ZNF385B: variants seen among roughly 807,000 people sequenced by gnomAD.
ZNF385B encodes the protein zinc finger protein 385B, also known as zinc finger protein 533.
Under a neutral mutation model 39.2 loss-of-function variants are expected in ZNF385B, and 23 were observed. The ratio of observed to expected loss-of-function variants is 0.59; its 90% confidence interval spans 0.42 to 0.83. The LOEUF (loss-of-function observed/expected upper bound fraction) is 0.83. Among genes scored for constraint, ZNF385B ranks in the 40% least tolerant of loss-of-function variants. The probability of loss-of-function intolerance (pLI) is 0.00; values close to 1 mark genes in which losing one functional copy is unlikely to be tolerated. For synonymous variants in ZNF385B, 205 were observed against 222.6 expected, an observed-to-expected ratio of 0.92 and a Z score of 0.70; for missense variants, 552 against 598.9, an observed-to-expected ratio of 0.92 and a Z score of 0.82.
chr2:179,450,552 A>G (rs2050011755), intron 6 of ZNF385B, among the ~76,000 whole-genome samples: 1 of 152,210 alleles, frequency 6.6e-6, no homozygotes, highest in Admixed American at 6.5e-5. Context: ...ACAGTGAGAT[A>G]CCATCTCACA....
chr2:179,770,050 C>T (rs552810125), intron 2 of ZNF385B, among the ~76,000 whole-genome samples: 2 of 152,100 alleles, frequency 1.3e-5, no homozygotes, highest in African/African-American at 2.4e-5. Flanking sequence ...CCCATCCTTG[C>T]CCCTCTTCCC....
At chr2:179,459,805 TA>T (rs1292062914) in intron 6 of ZNF385B, among the ~76,000 whole-genome samples, 1 of 150,648 alleles carries the variant, frequency 6.6e-6, no homozygotes, top group Admixed American at 6.6e-5. Flanking sequence ...ATTATATATG[TA>T]AAAAATATAT....
intron 3 of ZNF385B, among the ~76,000 whole-genome samples, chr2:179,726,524 A>C (rs544308678): frequency 2.6e-5 from 4 of 152,046 alleles, no homozygotes; most frequent in Non-Finnish European, 5.9e-5. Context: ...CATACGGTAA[A>C]TGTGATTATA....
chr2:179,598,261 C>G (rs1267589633), intron 3 of ZNF385B, among the ~76,000 whole-genome samples: 3 of 152,108 alleles, frequency 2.0e-5, no homozygotes, highest in Non-Finnish European at 4.4e-5. Flanking sequence ...GACTCAACTG[C>G]CTCCCCTGCC....
In ZNF385B at chr2:179,834,736, G is replaced by GA. The variant is rs574745529; in HGVS notation, c.-155+26364dup. 4.0e-4 allele frequency among the ~76,000 whole-genome samples: 61 copies of GA among 152,202 alleles called. 2 individuals carry two copies. The East Asian group carries it at 0.011, about 27-fold the overall frequency. On this transcript the variant is annotated intron_variant, in intron 1 of 9. Transcript: ENST00000410066. ...AATCTTAGTTATTGATTGCAAAAGA[G>GA]AAAAAGATATCTTTACAATGGGGAA...
At chr2:179,662,352 T>A (rs375905220) in intron 3 of ZNF385B, among the ~76,000 whole-genome samples, 36 of 148,276 alleles carry the variant, frequency 2.4e-4, no homozygotes, top group Non-Finnish European at 4.5e-4. Flanking sequence ...TTATAGTTTA[T>A]GGGTAATTTT....
At chr2:179,551,655 T>C (rs1335352289) in intron 3 of ZNF385B, among the ~76,000 whole-genome samples, 1 of 152,118 alleles carries the variant, frequency 6.6e-6, no homozygotes, top group Non-Finnish European at 1.5e-5. Flanking sequence ...ATCCCACCAC[T>C]TGATTAAAGA....
intron 3 of ZNF385B, among the ~76,000 whole-genome samples, chr2:179,703,657 C>T (rs561815492): frequency 6.6e-6 from 1 of 152,160 alleles, no homozygotes; most frequent in South Asian, 2.1e-4. Flanking sequence ...AAAGACAGTA[C>T]TGGTTAAAAT....
chr2:179,621,533 C>G (rs1483884755), intron 3 of ZNF385B, among the ~76,000 whole-genome samples: 1 of 152,186 alleles, frequency 6.6e-6, no homozygotes, highest in Non-Finnish European at 1.5e-5. Flanking sequence ...TTTTAAAGAT[C>G]AACATGTCAC....
intron 6 of ZNF385B, among the ~76,000 whole-genome samples, chr2:179,473,966 G>A (rs1463359272): frequency 6.6e-6 from 1 of 152,186 alleles, no homozygotes; most frequent in Non-Finnish European, 1.5e-5. Context: ...GGTTATATGA[G>A]TTCAGTGAGA....
intron 3 of ZNF385B, among the ~76,000 whole-genome samples, chr2:179,756,853 T>A (rs890496028): frequency 6.6e-6 from 1 of 152,228 alleles, no homozygotes; most frequent in African/African-American, 2.4e-5. Context: ...TTATTCTAGT[T>A]AGCCATTTGT....
chr2:179,493,773 A>T (rs75377041), intron 5 of ZNF385B, among the ~76,000 whole-genome samples: 1 of 73,946 alleles, frequency 1.4e-5, no homozygotes, highest in Non-Finnish European at 3.0e-5. Flanking sequence ...GTATACATAT[A>T]TGTATATACA....
intron 7 of ZNF385B, among the ~76,000 whole-genome samples, chr2:179,446,075 G>A (rs2049443856): frequency 6.6e-6 from 1 of 151,862 alleles, no homozygotes; most frequent in Non-Finnish European, 1.5e-5. Flanking sequence ...TAAATATCCT[G>A]AAAATTTCAC....
At chr2:179,839,108 C>A (rs1460075022) in intron 1 of ZNF385B, among the ~76,000 whole-genome samples, 1 of 152,178 alleles carries the variant, frequency 6.6e-6, no homozygotes, top group African/African-American at 2.4e-5. Flanking sequence ...AAGATTCACA[C>A]CTGGATCCAG....
At chr2:179,677,564 T>C (rs1366251465) in intron 3 of ZNF385B, among the ~76,000 whole-genome samples, 2 of 152,244 alleles carry the variant, frequency 1.3e-5, no homozygotes, top group Non-Finnish European at 2.9e-5. Context: ...CTCTGAGTTC[T>C]AGTGTTACAA....
chr2:179,706,571 A>G (rs1219692426), intron 3 of ZNF385B, among the ~76,000 whole-genome samples: 1 of 152,138 alleles, frequency 6.6e-6, no homozygotes, highest in Non-Finnish European at 1.5e-5. Context: ...CTTTCCATCC[A>G]TCAAGGACAA....
At chr2:179,751,714 C>A (rs62181527) in intron 3 of ZNF385B, among the ~76,000 whole-genome samples, 7,234 of 152,068 alleles carry the variant, frequency 0.048, 253 homozygotes, top group Middle Eastern at 0.099. Flanking sequence ...CAGACTATAG[C>A]AGCAAGAAAA....
At chr2:179,552,146 C>A (rs1462068782) in intron 3 of ZNF385B, among the ~76,000 whole-genome samples, 1 of 149,214 alleles carries the variant, frequency 6.7e-6, no homozygotes, top group African/African-American at 2.5e-5. Flanking sequence ...CACAATACAA[C>A]CTTACTTAAG....
At chr2:179,617,660 T>G (rs990387503) in intron 3 of ZNF385B, among the ~76,000 whole-genome samples, 1 of 152,186 alleles carries the variant, frequency 6.6e-6, no homozygotes, top group Non-Finnish European at 1.5e-5. Context: ...TTCTTACAAG[T>G]CCTCATGTGG....
Sources: gnomAD v4.1 joint callset for allele counts (sites outside exome capture counted in the v4.1 genomes callset) on GRCh38, gnomAD v4.1.1 for gene constraint, MANE v1.5 for transcripts, NCBI Gene and HGNC (gene_info 2026-07-23, HGNC 2026-07-21) for gene names.